AGBL1: variants seen among roughly 807,000 people sequenced by gnomAD.
AGBL1 encodes the protein cytosolic carboxypeptidase 4.
Under a neutral mutation model 118.9 loss-of-function variants are expected in AGBL1, and 130 were observed. The ratio of observed to expected loss-of-function variants is 1.09; its 90% CI spans 0.95 to 1.26. The LOEUF is 1.26. Ranked by LOEUF, AGBL1 falls within the 50% of genes most tolerant of loss-of-function variation. The probability of loss-of-function intolerance (pLI) is 0.00; values close to 1 mark genes in which losing one functional copy is unlikely to be tolerated. For missense variants in AGBL1, 1,584 were observed against 1,298.1 expected, an observed-to-expected ratio of 1.22 and a Z score of -3.38; for synonymous variants, 555 against 478.9, an observed-to-expected ratio of 1.16 and a Z score of -2.08.
At chr15:86,147,004 G>C (rs900474777) in intron 3 of AGBL1, among the ~76,000 whole-genome samples, 1 of 152,142 alleles carries the variant, frequency 6.6e-6, no homozygotes, top group Admixed American at 6.5e-5. Flanking sequence ...GTATCATAGT[G>C]GGGGCAAAGA....
intron 22 of AGBL1, among the ~76,000 whole-genome samples, chr15:86,802,917 A>G (rs957802554): frequency 2.0e-5 from 3 of 152,150 alleles, no homozygotes; most frequent in Non-Finnish European, 2.9e-5. Flanking sequence ...GAACTGTCAT[A>G]AGCTTTTCAT....
chr15:87,023,845 G>A (rs750906255), intron 24 of AGBL1, among the ~76,000 whole-genome samples: 33 of 152,060 alleles, frequency 2.2e-4, no homozygotes, highest in Non-Finnish European at 2.8e-4. Context: ...TCAAAGCCAT[G>A]CAAATACATG....
intron 18 of AGBL1, among the ~76,000 whole-genome samples, chr15:86,444,689 AGAGCGTGCTGGGAGTCAGCACCAGG>A (rs1421843070): frequency 2.0e-5 from 3 of 152,266 alleles, no homozygotes; most frequent in Admixed American, 6.5e-5. Flanking sequence ...GCAGAAAGGG[AGAGCGTGCTGGGAGTCAGCACCAGG>A]GCCAGCACCT....
At chr15:86,314,322 T>C (rs952354778) in intron 17 of AGBL1, among the ~76,000 whole-genome samples, 2 of 152,190 alleles carry the variant, frequency 1.3e-5, no homozygotes, top group Non-Finnish European at 2.9e-5. Context: ...GTTTAGTTAT[T>C]TTTTCTGGCT....
At position 86,924,083 on chromosome 15, in the gene AGBL1, A is replaced by C. The variant is rs181376850; in HGVS notation, c.3222-63904A>C. Among the ~76,000 whole-genome samples the C allele has an allele frequency of 4.5e-4, 69 of 152,380 alleles. 2 individuals carry two copies. The East Asian group carries it at 0.013, about 29-fold the overall frequency. On this transcript the variant is annotated intron_variant, in intron 23 of 24. Transcript: ENST00000441037. ...AGTTTTAAGTTATGAAGCAATCTTT[A>C]AATGGAAAGCCTAGATAAAATGTCT...
chr15:86,352,232 A>G (rs1189445152), intron 17 of AGBL1, among the ~76,000 whole-genome samples: 1 of 152,174 alleles, frequency 6.6e-6, no homozygotes, highest in East Asian at 1.9e-4. Flanking sequence ...TGATATAGAG[A>G]AGGGCTTAAT....
intron 21 of AGBL1, among the ~76,000 whole-genome samples, chr15:86,661,550 A>G (rs1378915345): frequency 1.3e-5 from 2 of 151,942 alleles, no homozygotes; most frequent in Non-Finnish European, 2.9e-5. Flanking sequence ...GCAAATAATT[A>G]TGAGAACCCT....
chr15:86,906,743 T>C (rs79736882), intron 22 of AGBL1, among the ~76,000 whole-genome samples: 3,441 of 152,202 alleles, frequency 0.023, 75 homozygotes, highest in Admixed American at 0.064. Context: ...CATCTTCTGA[T>C]TGGAAATAGG....
At chr15:86,839,053 G>A (rs2079208924) in intron 22 of AGBL1, among the ~76,000 whole-genome samples, 1 of 149,386 alleles carries the variant, frequency 6.7e-6, no homozygotes, top group African/African-American at 2.5e-5. Context: ...CTACACATAT[G>A]AGAAGCCATA....
In AGBL1 at chr15:86,608,541, G is replaced by A. The variant is rs2084614479; in HGVS notation, c.2994+54004G>A. The stretch of plus-strand genomic sequence containing the variant: ...AAGTAAAATGCTTGGGTCCTGAGAG[G>A]CATAAAGTGGTAGAGGCAAAGCAAA... On this transcript the variant is annotated intron_variant, in intron 21 of 22. Transcript: ENST00000614907. 2.6e-5 allele frequency among the ~76,000 whole-genome samples: 4 copies of A among 152,274 alleles called. No individual in the cohort carries two copies. The South Asian group carries it at 8.3e-4, about 32-fold the overall frequency.
chr15:86,549,861 G>A (rs1168062293), intron 20 of AGBL1, among the ~76,000 whole-genome samples: 1 of 143,452 alleles, frequency 7.0e-6, no homozygotes, highest in East Asian at 2.2e-4. Flanking sequence ...GAGAGGAGGG[G>A]AGGGGAAGGG....
chr15:86,718,469 G>A (rs1315121181), intron 22 of AGBL1, among the ~76,000 whole-genome samples: 1 of 151,954 alleles, frequency 6.6e-6, no homozygotes, highest in African/African-American at 2.4e-5. Context: ...ACACCAACAC[G>A]GCACAGGTAG....
intron 24 of AGBL1, among the ~76,000 whole-genome samples, chr15:86,991,473 G>T (rs2081335177): frequency 6.7e-6 from 1 of 149,366 alleles, no homozygotes; most frequent in Non-Finnish European, 1.5e-5. Flanking sequence ...TTTATTTTTG[G>T]TTTGCAAAAT....
At position 86,896,954 on chromosome 15, in the gene AGBL1, A is replaced by T. The variant is rs530004136; in HGVS notation, c.3159-10133A>T. On this transcript the variant is annotated intron_variant, in intron 22 of 22. Transcript: ENST00000614907. Reference sequence around the variant, plus strand: ...GTGTCTCCCTCTACCCACTACATGCACATTCCTAAGGAAAGCAAATAGCTT... The same window carrying T: ...GTGTCTCCCTCTACCCACTACATGCTCATTCCTAAGGAAAGCAAATAGCTT... Among the ~76,000 whole-genome samples the T allele has an allele frequency of 2.0e-5, 3 of 152,282 alleles. No individual in the cohort carries two copies. The South Asian group carries it at 6.2e-4, about 32-fold the overall frequency.
At chr15:86,338,096 A>G (rs1415184905) in intron 17 of AGBL1, among the ~76,000 whole-genome samples, 1 of 152,186 alleles carries the variant, frequency 6.6e-6, no homozygotes, top group Non-Finnish European at 1.5e-5. Flanking sequence ...AATGGAAGAA[A>G]GAATAGCAAA....
chr15:86,948,625 G>T (rs947519346), intron 23 of AGBL1, among the ~76,000 whole-genome samples: 1 of 152,218 alleles, frequency 6.6e-6, no homozygotes, highest in African/African-American at 2.4e-5. Flanking sequence ...GATTGAATGC[G>T]TGTGATGAGT....
At chr15:86,128,435 C>T (rs2076776238) in intron 1 of AGBL1, among the ~76,000 whole-genome samples, 1 of 152,156 alleles carries the variant, frequency 6.6e-6, no homozygotes, top group Non-Finnish European at 1.5e-5. Flanking sequence ...CACAGCCAAA[C>T]CACATTACAT....
chr15:86,200,377 T>C (rs2077883694), intron 5 of AGBL1, among the ~76,000 whole-genome samples: 1 of 152,224 alleles, frequency 6.6e-6, no homozygotes, highest in African/African-American at 2.4e-5. Context: ...ACTTAATCTT[T>C]AGCACCTCAT....
intron 12 of AGBL1, 91 bp from the exon 13 acceptor site, chr15:86,266,899 C>CA (rs1232468010): frequency 3.5e-6 from 4 of 1,159,320 alleles, no homozygotes; most frequent in Non-Finnish European, 5.0e-6. Context: ...GATTCTGTCT[C>CA]AAAAAAATAA....
Sources: gnomAD v4.1 joint callset for allele counts (sites outside exome capture counted in the v4.1 genomes callset) on GRCh38, gnomAD v4.1.1 for gene constraint, MANE v1.5 for transcripts, NCBI Gene and HGNC (gene_info 2026-07-23, HGNC 2026-07-21) for gene names.